The following CADM2 variants were observed in gnomAD, a reference collection of about 807,000 sequenced individuals.
CADM2 encodes the protein cell adhesion molecule 2, also known as immunoglobulin superfamily member 4D.
Under a neutral mutation model 49.8 loss-of-function variants are expected in CADM2, and 12 were observed. The observed-to-expected ratio is 0.24, with a 90% confidence interval of 0.15 to 0.39. The LOEUF is 0.39. CADM2 is among the 10% of genes least tolerant of loss of function. The probability of loss-of-function intolerance (pLI) is 1.00; values close to 1 mark genes in which losing one functional copy is unlikely to be tolerated. For synonymous variants in CADM2, 214 were observed against 175.4 expected (o/e 1.22, Z -1.74); for missense variants, 378 against 492.3 (o/e 0.77, Z 2.20).
chr3:85,990,022 AAAAAAAAAAAAAAAAAAAAAAAG>A (rs1728580598), intron 8 of CADM2, among the ~76,000 whole-genome samples: 1 of 144,692 alleles, frequency 6.9e-6, no homozygotes, highest in African/African-American at 2.5e-5. Context: ...CCAAAAAAAA[AAAAAAAAAAAAAAAAAAAAAAAG>A]AAGACTAATA....
intron 1 of CADM2, among the ~76,000 whole-genome samples, chr3:85,010,851 CTTT>C (rs71105001): frequency 1.1e-4 from 4 of 35,684 alleles, no homozygotes; most frequent in African/African-American, 4.0e-4. Flanking sequence ...CTGTTTATGT[CTTT>C]TTTTTTTTTT....
At chr3:85,606,335 C>G (rs969242245) in intron 1 of CADM2, among the ~76,000 whole-genome samples, 1 of 152,064 alleles carries the variant, frequency 6.6e-6, no homozygotes, top group Admixed American at 6.6e-5. Context: ...CTAGAATTCT[C>G]TAGTTCACAC....
In CADM2 at chr3:85,868,891, C is replaced by A. The variant is rs146313273; in HGVS notation, c.239-14400C>A. Among the ~76,000 whole-genome samples, 385 of 152,194 alleles carry A rather than the reference C, an allele frequency of 2.5e-3. 2 individuals carry two copies. Among genetic ancestry groups the A allele is most frequent in the African/African-American group, 9.0e-3 (373 of 41,546 alleles). On this transcript the variant is annotated intron_variant, in intron 3 of 9. Transcript: ENST00000383699. ...AGTTTGGACTTGAATTCTTTTGCAC[C>A]TTTATCTTCATCTCCATTTTTAATT...
intron 1 of CADM2, among the ~76,000 whole-genome samples, chr3:85,285,286 T>G (rs545589981): frequency 6.6e-6 from 1 of 152,208 alleles, no homozygotes; most frequent in East Asian, 1.9e-4. Context: ...GTTCAGCACA[T>G]ATATGGTATG....
intron 1 of CADM2, among the ~76,000 whole-genome samples, chr3:85,487,551 A>AAGT (rs2039472236): frequency 6.8e-6 from 1 of 147,446 alleles, no homozygotes; most frequent in Non-Finnish European, 1.5e-5. Flanking sequence ...GAGGACGAGG[A>AAGT]GGAGGAGGAG....
At chr3:85,997,621 A>T (rs1729587756) in intron 8 of CADM2, among the ~76,000 whole-genome samples, 1 of 152,164 alleles carries the variant, frequency 6.6e-6, no homozygotes, top group African/African-American at 2.4e-5. Flanking sequence ...TGTTTGATGA[A>T]TTTTAGATTT....
At chr3:85,869,880 A>T (rs1289849764) in intron 3 of CADM2, among the ~76,000 whole-genome samples, 1 of 151,914 alleles carries the variant, frequency 6.6e-6, no homozygotes, top group Non-Finnish European at 1.5e-5. Context: ...CCAGGACGGT[A>T]TTGATCTCCT....
At chr3:85,661,342 G>A (rs1393313122) in intron 1 of CADM2, among the ~76,000 whole-genome samples, 2 of 151,794 alleles carry the variant, frequency 1.3e-5, no homozygotes, top group African/African-American at 4.8e-5. Flanking sequence ...TCTGATTATG[G>A]ATTTTTTAAT....
chr3:85,169,605 C>T (rs1003136678), intron 1 of CADM2, among the ~76,000 whole-genome samples: 1 of 151,946 alleles, frequency 6.6e-6, no homozygotes, highest in East Asian at 1.9e-4. Flanking sequence ...AATCCTATCT[C>T]TACTAAAAGT....
intron 1 of CADM2, among the ~76,000 whole-genome samples, chr3:85,512,700 C>G (rs1397414398): frequency 6.6e-6 from 1 of 151,860 alleles, no homozygotes; most frequent in Non-Finnish European, 1.5e-5. Context: ...AAGTGATTTT[C>G]AAATACAAAA....
chr3:85,389,920 G>C (rs2034437466), intron 1 of CADM2, among the ~76,000 whole-genome samples: 1 of 152,048 alleles, frequency 6.6e-6, no homozygotes, highest in East Asian at 1.9e-4. Context: ...GTTGATAAAA[G>C]GGCAAGTAAA....
At chr3:85,215,471 A>G (rs988769100) in intron 1 of CADM2, among the ~76,000 whole-genome samples, 1 of 148,734 alleles carries the variant, frequency 6.7e-6, no homozygotes, top group Non-Finnish European at 1.5e-5. Flanking sequence ...AGTCCTTTTT[A>G]CTCTCTCCTC....
At chr3:85,344,076 T>G (rs2030261821) in intron 1 of CADM2, among the ~76,000 whole-genome samples, 1 of 152,206 alleles carries the variant, frequency 6.6e-6, no homozygotes, top group African/African-American at 2.4e-5. Context: ...AAATAGCACA[T>G]AATTAAGCGT....
intron 2 of CADM2, among the ~76,000 whole-genome samples, chr3:85,784,902 C>T (rs562648883): frequency 6.6e-6 from 1 of 152,074 alleles, no homozygotes; most frequent in Non-Finnish European, 1.5e-5. Flanking sequence ...GACAGTGAAG[C>T]CGTCAGGCTC....
chr3:85,275,993 G>A (rs2043348133), intron 1 of CADM2, among the ~76,000 whole-genome samples: 1 of 151,150 alleles, frequency 6.6e-6, no homozygotes, highest in African/African-American at 2.4e-5. Context: ...AGTGACCTAT[G>A]TACTACTGTT....
At chr3:86,017,117 T>A (rs1460425249) in intron 8 of CADM2, among the ~76,000 whole-genome samples, 1 of 150,578 alleles carries the variant, frequency 6.6e-6, no homozygotes, top group East Asian at 1.9e-4. Context: ...TTCATACTAC[T>A]CTGGACAAGC....
At chr3:85,650,834 G>A (rs985925320) in intron 1 of CADM2, among the ~76,000 whole-genome samples, 2 of 150,384 alleles carry the variant, frequency 1.3e-5, no homozygotes, top group African/African-American at 4.9e-5. Context: ...CACCATAAAT[G>A]TTAATTTTCA....
chr3:85,501,341 T>A (rs558538557), intron 1 of CADM2, among the ~76,000 whole-genome samples: 1 of 152,332 alleles, frequency 6.6e-6, no homozygotes, highest in Non-Finnish European at 1.5e-5. Context: ...CCTTAGATTT[T>A]GTGTAAATGC....
At chr3:85,015,819 G>A (rs1205558575) in intron 1 of CADM2, among the ~76,000 whole-genome samples, 1 of 152,174 alleles carries the variant, frequency 6.6e-6, no homozygotes, top group African/African-American at 2.4e-5. Flanking sequence ...TCAAAGGGGT[G>A]AACTAGAATG....
Sources: allele counts gnomAD v4.1 joint callset (sites outside exome capture counted in the v4.1 genomes callset), GRCh38; gene constraint gnomAD v4.1.1; transcripts MANE v1.5; gene names NCBI Gene and HGNC (gene_info 2026-07-23, HGNC 2026-07-21).